The following NTRK2 variants were observed in gnomAD, a reference collection of about 807,000 sequenced individuals.
The protein encoded by NTRK2 is neurotrophic receptor tyrosine kinase 2.
In NTRK2, 13 loss-of-function variants were observed where a neutral mutation model predicts 94.5. That is an observed-to-expected ratio of 0.14 (90% CI 0.09 to 0.22). NTRK2 has a LOEUF of 0.22. Ranked by LOEUF, NTRK2 falls within the 10% of genes least tolerant of loss-of-function variation. NTRK2 has a pLI of 1.00. For synonymous variants in NTRK2, 372 were observed against 407.4 expected (o/e 0.91, Z 1.05); for missense variants, 639 against 1,071.2 (o/e 0.60, Z 5.63).
chr9:84,679,903 A>G (rs1362115158), intron 2 of NTRK2, among the ~76,000 whole-genome samples: 2 of 152,152 alleles, frequency 1.3e-5, no homozygotes, highest in African/African-American at 4.8e-5. Flanking sequence ...CCACCAATAG[A>G]AACAAATTTT....
intron 14 of NTRK2, chr9:84,872,507 A>T: frequency 9.4e-7 from 1 of 1,067,458 alleles, no homozygotes; most frequent in Non-Finnish European, 1.1e-6. Flanking sequence ...TTGTCTCTAA[A>T]TATGTACCTG....
At chr9:84,805,660 A>C (rs958562145) in intron 12 of NTRK2, among the ~76,000 whole-genome samples, 1 of 152,182 alleles carries the variant, frequency 6.6e-6, no homozygotes, top group Non-Finnish European at 1.5e-5. Flanking sequence ...TCCCCTCTGA[A>C]ACTCATGTTG....
At chr9:84,821,815 T>TAGAGAGAGAGAG (rs55923826) in intron 12 of NTRK2, among the ~76,000 whole-genome samples, 51 of 147,478 alleles carry the variant, frequency 3.5e-4, no homozygotes, top group African/African-American at 1.1e-3. Context: ...GGGAGAGAAG[T>TAGAGAGAGAGAG]AGAGAGAGAG....
At chr9:84,798,931 TA>T (rs1258934773) in intron 12 of NTRK2, among the ~76,000 whole-genome samples, 1 of 146,586 alleles carries the variant, frequency 6.8e-6, no homozygotes, top group Admixed American at 7.0e-5. Context: ...TATATATATA[TA>T]TATATATATG....
Position 85,020,376 on chromosome 9 carries a change from G to A in NTRK2, c.2331+12G>A, listed in dbSNP as rs77309745. ...TGTCAAACAATGAGGTGTGCAATGG[G>A]TCTGGCCAAGACCCTCCAGAGGGCT... is the stretch of plus-strand genomic sequence containing the variant. On this transcript the variant is annotated intron_variant, in intron 18 of 18. Coordinates refer to ENST00000277120, the MANE Select transcript of NTRK2 (RefSeq NM_006180.6). 5 of 1,614,008 alleles carry A rather than the reference G, an allele frequency of 3.1e-6. No homozygotes were observed. The Admixed American group carries it at 5.0e-5, about 16-fold the overall frequency.
chr9:84,886,913 G>C (rs1218814826), intron 14 of NTRK2, among the ~76,000 whole-genome samples: 1 of 152,240 alleles, frequency 6.6e-6, no homozygotes, highest in Admixed American at 6.5e-5. Flanking sequence ...TGTATGAAAG[G>C]AGCAGTGAAT....
At chr9:84,957,891 A>C (rs1824351994) in intron 17 of NTRK2, among the ~76,000 whole-genome samples, 1 of 152,248 alleles carries the variant, frequency 6.6e-6, no homozygotes, top group Non-Finnish European at 1.5e-5. Flanking sequence ...AATCCATACA[A>C]TGGAATATTA....
intron 12 of NTRK2, among the ~76,000 whole-genome samples, chr9:84,840,692 C>A (rs1308956625): frequency 5.9e-5 from 9 of 152,172 alleles, no homozygotes; most frequent in African/African-American, 2.2e-4. Context: ...ATGCACCATG[C>A]CCCAATCTAG....
chr9:84,914,577 G>A (rs1242472137), intron 14 of NTRK2, among the ~76,000 whole-genome samples: 1 of 152,226 alleles, frequency 6.6e-6, no homozygotes, highest in Admixed American at 6.5e-5. Context: ...TGACACTTGA[G>A]AGGGCAGTCT....
chr9:84,881,864 A>C (rs1325327678), intron 14 of NTRK2, among the ~76,000 whole-genome samples: 1 of 152,208 alleles, frequency 6.6e-6, no homozygotes, highest in Non-Finnish European at 1.5e-5. Flanking sequence ...CTTGGGTTTC[A>C]GGTATGCTAA....
At position 85,004,011 on chromosome 9, in the gene NTRK2, A is replaced by AGAGAGAG. The variant is rs1564542014; in HGVS notation, c.2173-16195_2173-16194insGAGAGAG. On this transcript the variant is annotated intron_variant, in intron 17 of 18. Coordinates refer to ENST00000277120, the MANE Select transcript of NTRK2 (RefSeq NM_006180.6). ...AAGAAGGAAAGAAAGAAAGAAAGAA[A>AGAGAGAG]AGAAAGAGAGAAAGAAAGAAAGAGA... 1.9e-3 allele frequency among the ~76,000 whole-genome samples: 184 copies of AGAGAGAG among 96,282 alleles called. 3 individuals are homozygous for AGAGAGAG. Among genetic ancestry groups the AGAGAGAG allele is most frequent in the African/African-American group, 7.6e-3 (162 of 21,230 alleles). The allele number at this position is 96,282 out of a possible 152,430, so 63.2% of individuals were successfully genotyped here. A position where few individuals can be genotyped will look rare whatever the true frequency, so the allele number is the denominator to read the frequency against.
intron 12 of NTRK2, among the ~76,000 whole-genome samples, chr9:84,752,862 C>T (rs1314922088): frequency 6.6e-6 from 1 of 152,162 alleles, no homozygotes; most frequent in Non-Finnish European, 1.5e-5. Context: ...TATAGATAGA[C>T]ACTATTTAAA....
intron 17 of NTRK2, among the ~76,000 whole-genome samples, chr9:84,974,038 T>C (rs1032035046): frequency 8.0e-6 from 1 of 124,674 alleles, no homozygotes. Context: ...GTAAGAGGAT[T>C]AGATGATACT....
At chr9:84,886,818 G>GGTGGCCCAGAAT (rs2076429698) in intron 14 of NTRK2, among the ~76,000 whole-genome samples, 1 of 152,080 alleles carries the variant, frequency 6.6e-6, no homozygotes, top group Non-Finnish European at 1.5e-5. Flanking sequence ...CTTTTCACTG[G>GGTGGCCCAGAAT]GTAATGTAAA....
intron 11 of NTRK2, among the ~76,000 whole-genome samples, chr9:84,747,178 A>G (rs1439958278): frequency 2.0e-5 from 3 of 152,156 alleles, no homozygotes; most frequent in Admixed American, 6.5e-5. Context: ...AACTTTATGC[A>G]TATCTAGTAT....
Position 85,020,226 on chromosome 9 carries a change from G to A in NTRK2, c.2193G>A (p.Leu731=), listed in dbSNP as rs56129395. Residue 731 remains leucine (L), a synonymous_variant, in exon 18 of 19, where the codon CTG becomes CTA. Coordinates refer to ENST00000277120, the MANE Select transcript of NTRK2 (RefSeq NM_006180.6). The stretch of plus-strand genomic sequence containing the variant: ...CCCAGGTCGGTGGCCACACAATGCT[G>A]CCCATTCGCTGGATGCCTCCAGAGA... ...DYYRVGGHTM[L]PIRWMPPESI... The A allele has an allele frequency of 5.8e-4, 929 of 1,614,092 alleles. 4 individuals are homozygous for A. Among genetic ancestry groups the A allele is most frequent in the Middle Eastern group, 3.8e-3 (23 of 6,052 alleles).
At chr9:85,003,768 G>A (rs1830575725) in intron 17 of NTRK2, among the ~76,000 whole-genome samples, 1 of 151,632 alleles carries the variant, frequency 6.6e-6, no homozygotes, top group Admixed American at 6.6e-5. Context: ...TGAGGATCCG[G>A]GCAAAAGAAT....
intron 12 of NTRK2, among the ~76,000 whole-genome samples, chr9:84,797,088 T>A (rs915305974): frequency 6.6e-6 from 1 of 152,106 alleles, no homozygotes; most frequent in African/African-American, 2.4e-5. Context: ...CCCTGTTAAG[T>A]ATATTGAAAC....
chr9:84,962,881 A>G (rs1825121329), intron 17 of NTRK2, among the ~76,000 whole-genome samples: 1 of 152,206 alleles, frequency 6.6e-6, no homozygotes, highest in Non-Finnish European at 1.5e-5. Context: ...CCTTATGATC[A>G]TATCAGTTAG....
Sources: gnomAD v4.1 joint callset for allele counts (sites outside exome capture counted in the v4.1 genomes callset) on GRCh38, gnomAD v4.1.1 for gene constraint, MANE v1.5 for transcripts, NCBI Gene and HGNC (gene_info 2026-07-23, HGNC 2026-07-21) for gene names.